Variants in TNK2 observed in about 807,000 individuals in gnomAD.
The protein encoded by TNK2 is activated CDC42 kinase 1.
TNK2 carries 83 observed loss-of-function variants against 101.8 expected under a neutral mutation model. The observed-to-expected ratio is 0.82, with a 90% CI of 0.68 to 0.98. The LOEUF (loss-of-function observed/expected upper bound fraction) is 0.98, where lower values mean the gene tolerates loss of function less well. Ranked by LOEUF, TNK2 falls within the 50% of genes least tolerant of loss-of-function variation. The pLI is 0.00. For missense variants in TNK2, 1,665 were observed against 1,483.2 expected, an observed-to-expected ratio of 1.12 and a Z score of -2.01; for synonymous variants, 804 against 633.0, an observed-to-expected ratio of 1.27 and a Z score of -4.06.
Position 195,882,152 on chromosome 3 carries a change from G to A in TNK2, c.786C>T (p.Thr262=), listed in dbSNP as rs770018838. Residue 262 remains threonine (T), a synonymous_variant, in exon 6 of 16, where the codon ACC becomes ACT. Transcript: ENST00000672887. This position sits in a 1 kb window ranked among gnomAD's most constrained non-coding sequence, Gnocchi z 4.2. ...DLAARNLLLA[T]RDLVKIGDFG... is the part of the protein sequence containing the mutation. Reference sequence around the variant, plus strand: ...AGTCCCCGATCTTGACCAGGTCGCGGGTAGCCAACAGCAGATTGCGGGCAG... The same window carrying A: ...AGTCCCCGATCTTGACCAGGTCGCGAGTAGCCAACAGCAGATTGCGGGCAG... 5 of 1,613,790 alleles carry A rather than the reference G, an allele frequency of 3.1e-6. No individual in the cohort carries two copies. The highest frequency in any genetic ancestry group is 3.4e-6 in the Non-Finnish European group (4 of 1,180,038).
intron 9 of TNK2, among the ~76,000 whole-genome samples, chr3:195,876,046 G>A (rs1243188213): frequency 3.3e-5 from 5 of 152,196 alleles, no homozygotes; most frequent in African/African-American, 1.2e-4. Context: ...CCGGATGCCT[G>A]GCTCCCACCC....
chr3:195,882,380 T>C lies in TNK2; in HGVS notation c.610-52A>G. ...ATGAGCTGGAGGACCCTGCCCCTTC[T>C]CAGCAGCCCACGCTGGGCCCCCAGT... On this transcript the variant is annotated intron_variant, in intron 5 of 15. Transcript: ENST00000672887. This position sits in a 1 kb window ranked among gnomAD's most constrained non-coding sequence, Gnocchi z 4.2. 6.2e-7 allele frequency: 1 copy of C among 1,602,240 alleles called. No individual in the cohort carries two copies. The highest frequency in any genetic ancestry group is 1.1e-5 in the South Asian group (1 of 90,486).
intron 10 of TNK2, among the ~76,000 whole-genome samples, chr3:195,871,270 C>T (rs1411326350): frequency 1.3e-5 from 2 of 152,040 alleles, no homozygotes; most frequent in Non-Finnish European, 2.9e-5. Flanking sequence ...GTGGCCTTAT[C>T]CTCTTACATA....
In TNK2 at chr3:195,888,457, C is replaced by T. The variant is rs1757058885; in HGVS notation, c.132G>A (p.Glu44=). 1.2e-6 allele frequency: 2 copies of T among 1,613,902 alleles called. No individual in the cohort carries two copies. The highest frequency in any genetic ancestry group is 2.2e-5 in the East Asian group (1 of 44,884). The change falls in exon 2 of 16, where the codon GAG becomes GAA. Residue 44 remains glutamate, a synonymous_variant. Coordinates refer to ENST00000672887, the MANE Select transcript of TNK2 (RefSeq NM_001382273.1). The surrounding 1 kb of genome is among the most constrained non-coding windows in gnomAD (Gnocchi z 5.3). The part of the protein sequence containing the change: ...RLSHFEYVKN[E]DLEKIGMGRP... ...GACCCATGCCGATCTTCTCCAGGTC[C>T]TCATTCTTGACGTACTCAAAGTGGG...
chr3:195,887,962 G>A (rs889977141), intron 2 of TNK2, among the ~76,000 whole-genome samples: 450 of 119,296 alleles, frequency 3.8e-3, no homozygotes, highest in African/African-American at 9.5e-3. Flanking sequence ...CTGCGTGTGT[G>A]TGTGTGTGTG....
rs1750660852 is a variant in TNK2 at position 195,878,505 on chromosome 3, A to G, written c.1102T>C (p.Trp368Arg). 6.2e-7 allele frequency: 1 copy of G among 1,613,832 alleles called. No individual in the cohort carries two copies. Among genetic ancestry groups the G allele is most frequent in the Non-Finnish European group, 8.5e-7 (1 of 1,180,058 alleles). ...GGTCTGTCCTCTGGCTTGTGAGCCC[A>G]GCACTGGACCATGACGTTGTAGATG... ...QDIYNVMVQC[W>R]AHKPEDRPTF... The change falls in exon 8 of 16, where the codon TGG (tryptophan) becomes CGG (arginine). Residue 368 changes from tryptophan to arginine, a missense_variant. This residue lies in a region of TNK2 where 490 missense variants were observed against 522.5 expected (regional missense o/e 0.94). Coordinates refer to ENST00000672887, the MANE Select transcript of TNK2 (RefSeq NM_001382273.1). The surrounding 1 kb of genome is among the most constrained non-coding windows in gnomAD (Gnocchi z 4.7).
At chr3:195,879,971 C>T (rs756681142) in intron 6 of TNK2, among the ~76,000 whole-genome samples, 5 of 152,272 alleles carry the variant, frequency 3.3e-5, no homozygotes, top group Middle Eastern at 3.4e-3. Flanking sequence ...TCCAGGACAA[C>T]GGGCATAATT....
rs1753418330 is a variant in TNK2 at position 195,882,118 on chromosome 3, T to C, written c.820A>G (p.Met274Val). Residue 274 changes from methionine (M) to valine (V), a missense_variant, in exon 6 of 16, where the codon ATG (methionine) becomes GTG (valine). Coordinates refer to ENST00000672887, the MANE Select transcript of TNK2 (RefSeq NM_001382273.1). This position sits in a 1 kb window ranked among gnomAD's most constrained non-coding sequence, Gnocchi z 4.2. ...DLVKIGDFGL[M>V]RALPQNDDHY... ...TCGTCATTCTGAGGTAGTGCTCGCATCAGCCCAAAGTCCCCGATCTTGACC... is the reference window on the plus strand; with the variant it reads ...TCGTCATTCTGAGGTAGTGCTCGCACCAGCCCAAAGTCCCCGATCTTGACC... 2 of 1,613,826 alleles carry C rather than the reference T, an allele frequency of 1.2e-6. No homozygotes were observed. The highest frequency in any genetic ancestry group is 2.7e-5 in the African/African-American group (2 of 75,048).
chr3:195,905,749 G>C (rs918585945), intron 1 of TNK2, among the ~76,000 whole-genome samples: 1 of 152,080 alleles, frequency 6.6e-6, no homozygotes, highest in Admixed American at 6.6e-5. Context: ...AGATTTCTTG[G>C]ACATGACACC....
chr3:195,874,447 T>C (rs1197919205), intron 9 of TNK2, among the ~76,000 whole-genome samples: 1 of 152,192 alleles, frequency 6.6e-6, no homozygotes, highest in Non-Finnish European at 1.5e-5. Flanking sequence ...TGCTTGCTCC[T>C]GGGGGAAGGA....
At position 195,868,516 on chromosome 3, in the gene TNK2, G is replaced by C. The variant is rs909060248; in HGVS notation, c.1782C>G (p.Val594=). The C allele has an allele frequency of 6.4e-7, 1 of 1,558,356 alleles. No homozygotes were observed. ...AGGGCGCGCAGGGCCGTAGGGCCGG[G>C]ACCACGGGCTCCTCACCGAAGTCGA... ...TLIDFGEEPV[V]PALRPCAPSL... The change falls in exon 13 of 16, where the codon GTC becomes GTG. Residue 594 remains valine (V), a synonymous_variant. Transcript: ENST00000672887.
chr3:195,872,307 G>A lies in TNK2; in HGVS notation c.1420C>T (p.His474Tyr), dbSNP rs376221693. The change falls in exon 10 of 16, where the codon CAC (histidine) becomes TAC (tyrosine). Residue 474 changes from histidine (H) to tyrosine (Y), a missense_variant. Physicochemically the swap from His to Tyr is moderately conservative, Grantham distance 83. This residue lies in a region of TNK2 where 1,136 missense variants were observed against 894.9 expected (regional missense o/e 1.27). Transcript: ENST00000672887. The stretch of plus-strand genomic sequence containing the variant: ...ATCCTGTCCGGGAAGCCCCAGCAGT[G>A]GCGGGGGTCACTGTCGCCATGCCCT... ...HTGHGDSDPR[H>Y]CWGFPDRIDE... 3 of 1,613,186 alleles carry A rather than the reference G, an allele frequency of 1.9e-6. No homozygotes were observed. The highest frequency in any genetic ancestry group is 2.5e-6 in the Non-Finnish European group (3 of 1,179,942).
intron 1 of TNK2, chr3:195,892,816 C>G (rs1005658180): frequency 3.3e-5 from 32 of 981,262 alleles, no homozygotes; most frequent in Admixed American, 2.0e-4. Flanking sequence ...TCTTGCCTGC[C>G]TCTCTCTCTC....
intron 12 of TNK2, 178 bp downstream of exon 12, chr3:195,869,319 C>T (rs1441047366): frequency 2.3e-5 from 16 of 685,120 alleles, no homozygotes; most frequent in African/African-American, 1.6e-4. Context: ...GCCCAGGCTC[C>T]GGGGGGCGGG....
intron 9 of TNK2, among the ~76,000 whole-genome samples, chr3:195,875,658 C>T (rs1258670032): frequency 1.3e-3 from 43 of 33,900 alleles, no homozygotes; most frequent in African/African-American, 3.5e-3. Flanking sequence ...TGTCCGCGCC[C>T]TCTCTCTCCC....
chr3:195,866,334 G>A (rs1248162547), intron 15 of TNK2, among the ~76,000 whole-genome samples: 1 of 152,100 alleles, frequency 6.6e-6, no homozygotes, highest in East Asian at 1.9e-4. Flanking sequence ...CCCAGCAGGT[G>A]GGATTACAGG....
rs1275695671 is a variant in TNK2 at position 195,870,174 on chromosome 3, C to T, written c.1483G>A (p.Asp495Asn). The T allele has an allele frequency of 5.9e-6, 9 of 1,525,810 alleles. No homozygotes were observed. Among genetic ancestry groups the T allele is most frequent in the Admixed American group, 4.0e-5 (2 of 50,398 alleles). The allele number at this position is 1,525,810 out of a possible 1,614,324, so 94.5% of individuals were successfully genotyped here. The change falls in exon 11 of 16, where the codon GAC (aspartate) becomes AAC (asparagine). Residue 495 changes from aspartate to asparagine, a missense_variant. Transcript: ENST00000672887. Reference protein sequence around the residue: ...LYLGNPMDPPDLLSVELSTSR... With the variant: ...LYLGNPMDPPNLLSVELSTSR... ...GTGCTCAGTTCCACGCTCAGGAGGT[C>T]GGGGGGGTCCATGGGGTTTCCCAGA...
chr3:195,869,694 G>A lies in TNK2; in HGVS notation c.1544-153C>T. The stretch of plus-strand genomic sequence containing the variant: ...ATGTACAAGCCCCCAGCAAACGGGA[G>A]GCCGCAGGCGGCAGGATGAGGAACA... On this transcript the variant is annotated intron_variant, in intron 11 of 15. Coordinates refer to ENST00000672887, the MANE Select transcript of TNK2 (RefSeq NM_001382273.1). 3 of 769,296 alleles carry A rather than the reference G, an allele frequency of 3.9e-6. No individual in the cohort carries two copies. The East Asian group carries it at 8.1e-5, about 21-fold the overall frequency. 47.7% of individuals were successfully genotyped at this position (769,296 alleles called of 1,614,324 possible). A position where few individuals can be genotyped will look rare whatever the true frequency, so the allele number is the denominator to read the frequency against.
At chr3:195,892,570 C>A in intron 1 of TNK2, 1 of 1,483,096 alleles carries the variant, frequency 6.7e-7, no homozygotes, top group South Asian at 1.3e-5. Context: ...GCCCAGGAGC[C>A]CCCCAAATCC....
Sources: gnomAD v4.1 joint callset for allele counts (sites outside exome capture counted in the v4.1 genomes callset) on GRCh38, gnomAD v4.1.1 for gene constraint, gnomAD v4.1.1 regional missense constraint, Gnocchi (gnomAD v3.1) non-coding constraint, MANE v1.5 for transcripts, NCBI Gene and HGNC (gene_info 2026-07-23, HGNC 2026-07-21) for gene names.